Variants in GRM7 observed in about 807,000 individuals in gnomAD.
GRM7 encodes glutamate metabotropic receptor 7, also known as metabotropic glutamate receptor 7.
GRM7 carries 35 observed loss-of-function variants against 84.5 expected under a neutral mutation model. The ratio of observed to expected loss-of-function variants is 0.41; its 90% CI spans 0.32 to 0.55. The LOEUF is 0.55. Ranked by LOEUF, GRM7 falls within the 20% of genes least tolerant of loss-of-function variation. The pLI, the probability that GRM7 is intolerant of heterozygous loss-of-function variation, is 0.19. For missense variants in GRM7, 1,003 were observed against 1,194.6 expected (o/e 0.84, Z 2.36); for synonymous variants, 487 against 455.1 (o/e 1.07, Z -0.89).
At chr3:6,962,865 A>G (rs991430567) in intron 1 of GRM7, among the ~76,000 whole-genome samples, 6 of 152,356 alleles carry the variant, frequency 3.9e-5, no homozygotes, top group African/African-American at 1.2e-4. Flanking sequence ...CTTAAAAAAG[A>G]AAAGGAACAA....
At chr3:7,310,341 C>A (rs1700347405) in intron 4 of GRM7, among the ~76,000 whole-genome samples, 1 of 152,040 alleles carries the variant, frequency 6.6e-6, no homozygotes, top group Admixed American at 6.6e-5. Context: ...TACTCTGGAC[C>A]CAGCATTAAA....
chr3:7,545,346 G>A (rs1693094736), intron 7 of GRM7, among the ~76,000 whole-genome samples: 1 of 152,226 alleles, frequency 6.6e-6, no homozygotes, highest in African/African-American at 2.4e-5. Context: ...ATGAAAGGAA[G>A]AATTAAAATG....
chr3:7,329,939 C>T (rs1287897014), intron 4 of GRM7, among the ~76,000 whole-genome samples: 2 of 150,544 alleles, frequency 1.3e-5, no homozygotes, highest in Non-Finnish European at 3.0e-5. Context: ...ATTTAACAAA[C>T]ATTTTGAGGA....
intron 1 of GRM7, among the ~76,000 whole-genome samples, chr3:6,964,177 CG>C (rs1693408639): frequency 6.6e-6 from 1 of 152,150 alleles, no homozygotes; most frequent in Non-Finnish European, 1.5e-5. Flanking sequence ...TCTCAGTCAG[CG>C]GGGCTGCTAT....
intron 2 of GRM7, among the ~76,000 whole-genome samples, chr3:7,230,555 T>C (rs1170109016): frequency 3.3e-5 from 5 of 152,326 alleles, no homozygotes; most frequent in South Asian, 2.1e-4. Flanking sequence ...AATTCTTCTC[T>C]TGCAAATGTC....
intron 9 of GRM7, among the ~76,000 whole-genome samples, chr3:7,715,076 T>C (rs1294478106): frequency 6.6e-6 from 1 of 152,180 alleles, no homozygotes; most frequent in African/African-American, 2.4e-5. Context: ...CTTCTCACTT[T>C]CAGCTTTAGT....
At chr3:7,516,455 C>G (rs191375278) in intron 7 of GRM7, among the ~76,000 whole-genome samples, 1 of 111,354 alleles carries the variant, frequency 9.0e-6, no homozygotes, top group Admixed American at 1.4e-4. Context: ...CCAGCCTGGG[C>G]GGCAGAGCGA....
intron 1 of GRM7, among the ~76,000 whole-genome samples, chr3:7,015,389 T>A (rs977873461): frequency 6.6e-6 from 1 of 152,038 alleles, no homozygotes; most frequent in South Asian, 2.1e-4. Context: ...AATGTGAGAG[T>A]GAATGAGTAA....
At chr3:6,967,167 A>G (rs139494407) in intron 1 of GRM7, among the ~76,000 whole-genome samples, 1 of 152,246 alleles carries the variant, frequency 6.6e-6, no homozygotes, top group East Asian at 1.9e-4. Context: ...AGGCCTTAAT[A>G]AGACTTCCTT....
intron 1 of GRM7, among the ~76,000 whole-genome samples, chr3:6,975,120 C>T (rs749382963): frequency 6.6e-6 from 1 of 152,056 alleles, no homozygotes; most frequent in Non-Finnish European, 1.5e-5. Flanking sequence ...TGCTTTGAGC[C>T]TGCAGATGCG....
intron 1 of GRM7, among the ~76,000 whole-genome samples, chr3:6,888,317 C>A (rs1334096030): frequency 6.6e-6 from 1 of 152,162 alleles, no homozygotes; most frequent in South Asian, 2.1e-4. Context: ...ATGCCTATGA[C>A]CTGAATGGTA....
intron 1 of GRM7, among the ~76,000 whole-genome samples, chr3:7,082,971 T>C (rs1458511730): frequency 6.6e-6 from 1 of 152,158 alleles, no homozygotes; most frequent in South Asian, 2.1e-4. Context: ...TGAGATGGAA[T>C]CTACTCCTGG....
At chr3:7,414,093 G>A (rs925556356) in intron 4 of GRM7, among the ~76,000 whole-genome samples, 8 of 152,050 alleles carry the variant, frequency 5.3e-5, no homozygotes, top group African/African-American at 1.9e-4. Context: ...ATGAGAAAAT[G>A]TACATAAAAT....
chr3:7,349,093 C>A (rs7617297), intron 4 of GRM7, among the ~76,000 whole-genome samples: 50,726 of 151,906 alleles, frequency 0.33, 8,681 homozygotes, highest in South Asian at 0.44. Context: ...ACTGTCTTCC[C>A]TCCCTAGTTT....
rs1701578246 is a variant in GRM7, at chr3:7,711,550, A to G, written c.2699-28807A>G. Among the ~76,000 whole-genome samples, 8 of 152,194 alleles carry G rather than the reference A, an allele frequency of 5.3e-5. 1 individual carries two copies. The highest frequency in any genetic ancestry group is 3.3e-4 in the Admixed American group (5 of 15,280). Reference sequence around the variant, plus strand: ...AAAGGGAAGCCATTGGAGTCTCGTAATCAAGACTGTAACATGACCTAAGCC... The same window carrying G: ...AAAGGGAAGCCATTGGAGTCTCGTAGTCAAGACTGTAACATGACCTAAGCC... On this transcript the variant is annotated intron_variant, in intron 9 of 9. Coordinates refer to ENST00000357716, the MANE Select transcript of GRM7 (RefSeq NM_000844.4).
At chr3:7,108,629 A>G (rs1257201514) in intron 1 of GRM7, among the ~76,000 whole-genome samples, 2 of 151,792 alleles carry the variant, frequency 1.3e-5, no homozygotes, top group African/African-American at 4.8e-5. Context: ...GTCAGTCCCC[A>G]TTCATTATGG....
chr3:7,561,583 T>C (rs1021582644), intron 7 of GRM7: 18 of 456,262 alleles, frequency 3.9e-5, no homozygotes, highest in African/African-American at 3.2e-4. Context: ...TGTAAGCATA[T>C]TTTTGTTTGA....
chr3:7,468,788 A>G (rs1459093525), intron 7 of GRM7, among the ~76,000 whole-genome samples: 1 of 152,098 alleles, frequency 6.6e-6, no homozygotes, highest in Non-Finnish European at 1.5e-5. Context: ...AGTGTCTGGC[A>G]TTTCCACTGC....
At chr3:7,189,566 A>G (rs1695637888) in intron 2 of GRM7, among the ~76,000 whole-genome samples, 1 of 152,166 alleles carries the variant, frequency 6.6e-6, no homozygotes, top group Non-Finnish European at 1.5e-5. Context: ...TCTGAGAGAT[A>G]TTTATGGGGC....
Sources: gnomAD v4.1 joint callset for allele counts (sites outside exome capture counted in the v4.1 genomes callset) on GRCh38, gnomAD v4.1.1 for gene constraint, MANE v1.5 for transcripts, NCBI Gene and HGNC (gene_info 2026-07-23, HGNC 2026-07-21) for gene names.